Variants in NIPAL2 observed in about 807,000 individuals in gnomAD.
The protein encoded by NIPAL2 is NIPA-like protein 2.
A neutral mutation model predicts 48.9 loss-of-function variants in NIPAL2; 43 were observed. The ratio of observed to expected loss-of-function variants is 0.88; its 90% CI spans 0.69 to 1.13. The LOEUF (loss-of-function observed/expected upper bound fraction) is 1.13, where lower values mean the gene tolerates loss of function less well. NIPAL2 is among the 50% of genes most tolerant of loss of function. The pLI, the probability that NIPAL2 is intolerant of heterozygous loss-of-function variation, is 0.00. For synonymous variants in NIPAL2, 167 were observed against 174.6 expected (o/e 0.96, Z 0.34); for missense variants, 446 against 461.4 (o/e 0.97, Z 0.31).
chr8:98,216,383 T>C (rs1247183407), intron 5 of NIPAL2, among the ~76,000 whole-genome samples: 1 of 152,190 alleles, frequency 6.6e-6, no homozygotes, highest in African/African-American at 2.4e-5. Context: ...AAGAACAGAA[T>C]GTAGTCTGAG....
chr8:98,266,374 G>C (rs1814740571), intron 1 of NIPAL2, among the ~76,000 whole-genome samples: 1 of 151,980 alleles, frequency 6.6e-6, no homozygotes, highest in Non-Finnish European at 1.5e-5. Flanking sequence ...GGCTGAGATG[G>C]GCGGATTGCC....
chr8:98,247,143 C>T (rs1417891368), intron 3 of NIPAL2, among the ~76,000 whole-genome samples: 1 of 152,156 alleles, frequency 6.6e-6, no homozygotes, highest in Non-Finnish European at 1.5e-5. Context: ...TCATGAGTCT[C>T]TTGCAATGAA....
At chr8:98,245,427 T>C (rs1453359211) in intron 3 of NIPAL2, among the ~76,000 whole-genome samples, 1 of 152,210 alleles carries the variant, frequency 6.6e-6, no homozygotes, top group Admixed American at 6.5e-5. Flanking sequence ...ACCATTCATG[T>C]TGGCAGGAAG....
chr8:98,289,932 A>C (rs1816404435), intron 1 of NIPAL2, among the ~76,000 whole-genome samples: 1 of 151,970 alleles, frequency 6.6e-6, no homozygotes, highest in African/African-American at 2.4e-5. Context: ...GTAATATAAA[A>C]CTCAGCATGA....
chr8:98,206,794 G>GA lies in NIPAL2; in HGVS notation c.656-1549dup, dbSNP rs931637009. 1.2e-4 allele frequency among the ~76,000 whole-genome samples: 17 copies of GA among 145,770 alleles called. 1 individual carries two copies. The East Asian group carries it at 1.2e-3, about 10-fold the overall frequency. On this transcript the variant is annotated intron_variant, in intron 6 of 10. Coordinates refer to ENST00000430223, the MANE Select transcript of NIPAL2 (RefSeq NM_001321635.2). ...TCTGTCTCAAAAAAAAAAAAAAAAG[G>GA]AAAAAAAAATCATAATTGACAGAGG... is the stretch of plus-strand genomic sequence containing the variant.
In NIPAL2 at chr8:98,205,186, T is replaced by C. The variant is rs112454509; in HGVS notation, c.716A>G (p.Asp239Gly). 8 of 1,613,490 alleles carry C rather than the reference T, an allele frequency of 5.0e-6. No homozygotes were observed. The African/African-American group carries it at 5.3e-5, about 11-fold the overall frequency. Reference protein sequence around the residue: ...VSGMITFSVMDKMQLTYPIFY... With the variant: ...VSGMITFSVMGKMQLTYPIFY... Reference sequence around the variant, plus strand: ...AATGGGGTAAGTTAGTTGCATTTTATCCATCACAGAAAAAGTGATCATGCC... The same window carrying C: ...AATGGGGTAAGTTAGTTGCATTTTACCCATCACAGAAAAAGTGATCATGCC... Residue 239 changes from aspartate to glycine, a missense_variant, in exon 7 of 11, where the codon GAT becomes GGT. Transcript: ENST00000430223.
At chr8:98,200,250 C>G (rs1810739008) in intron 8 of NIPAL2, among the ~76,000 whole-genome samples, 1 of 152,130 alleles carries the variant, frequency 6.6e-6, no homozygotes, top group Non-Finnish European at 1.5e-5. Context: ...ATTTCCAGAA[C>G]TTTTTCATCT....
chr8:98,198,060 T>C (rs1180987636), intron 8 of NIPAL2, among the ~76,000 whole-genome samples: 2 of 152,218 alleles, frequency 1.3e-5, no homozygotes, highest in African/African-American at 4.8e-5. Context: ...CCTTACAAAA[T>C]GTATTTCTTA....
At position 98,252,638 on chromosome 8, in the gene NIPAL2, A is replaced by G; in HGVS notation, c.205-4T>C. 6.2e-7 allele frequency: 1 copy of G among 1,605,148 alleles called. No homozygotes were observed. The highest frequency in any genetic ancestry group is 8.5e-7 in the Non-Finnish European group (1 of 1,177,320). On this transcript the variant is annotated splice_region_variant and splice_polypyrimidine_tract_variant and intron_variant, in intron 2 of 10. Coordinates refer to ENST00000430223, the MANE Select transcript of NIPAL2 (RefSeq NM_001321635.2). ...CCAGCTGAAGGTGAGAATATTTCTG[A>G]AAGTAAATCAGAAGACAAATAAGAA... is the stretch of plus-strand genomic sequence containing the variant.
intron 3 of NIPAL2, among the ~76,000 whole-genome samples, chr8:98,236,460 AG>A (rs1440711680): frequency 1.3e-5 from 2 of 152,212 alleles, no homozygotes; most frequent in Non-Finnish European, 2.9e-5. Context: ...GCTTAATAAA[AG>A]TTTGCTAAAA....
intron 8 of NIPAL2, among the ~76,000 whole-genome samples, chr8:98,202,575 T>G (rs1310227290): frequency 6.6e-6 from 1 of 152,146 alleles, no homozygotes; most frequent in Non-Finnish European, 1.5e-5. Flanking sequence ...CCTCGCCCCA[T>G]CTCTTGCTAT....
intron 3 of NIPAL2, among the ~76,000 whole-genome samples, chr8:98,251,273 A>G (rs1813571878): frequency 6.6e-6 from 1 of 152,158 alleles, no homozygotes; most frequent in Non-Finnish European, 1.5e-5. Flanking sequence ...TCAAGACAGC[A>G]GGAGTCTGGA....
chr8:98,212,273 T>G, intron 6 of NIPAL2, 132 bp downstream of exon 6: 1 of 444,492 alleles, frequency 2.2e-6, no homozygotes, highest in Non-Finnish European at 4.0e-6. Context: ...AGACTCAGTT[T>G]CTTCCTATAG....
At chr8:98,206,614 C>T (rs578032864) in intron 6 of NIPAL2, among the ~76,000 whole-genome samples, 1 of 151,958 alleles carries the variant, frequency 6.6e-6, no homozygotes, top group Admixed American at 6.6e-5. Context: ...CAGTGAAACC[C>T]TGTCTCTACT....
chr8:98,209,932 C>T (rs1251241393), intron 6 of NIPAL2, among the ~76,000 whole-genome samples: 1 of 151,852 alleles, frequency 6.6e-6, no homozygotes, highest in African/African-American at 2.4e-5. Context: ...TTTAACAACT[C>T]CTTTATTTCC....
At chr8:98,214,453 C>T (rs1025960021) in intron 5 of NIPAL2, among the ~76,000 whole-genome samples, 5 of 152,186 alleles carry the variant, frequency 3.3e-5, no homozygotes, top group South Asian at 2.1e-4. Flanking sequence ...CATGAGCCAC[C>T]GCACCCGGCC....
At chr8:98,284,851 C>A (rs1816067252) in intron 1 of NIPAL2, among the ~76,000 whole-genome samples, 2 of 152,110 alleles carry the variant, frequency 1.3e-5, no homozygotes, top group South Asian at 4.2e-4. Flanking sequence ...GTCCTACCTA[C>A]TGAAGAGGTG....
intron 8 of NIPAL2, among the ~76,000 whole-genome samples, chr8:98,199,989 C>T (rs1040207359): frequency 2.2e-4 from 33 of 151,698 alleles, no homozygotes; most frequent in African/African-American, 7.3e-4. Context: ...GGTCCTGCTC[C>T]GTCACCCAGG....
chr8:98,262,829 T>C lies in NIPAL2; in HGVS notation c.136-8742A>G, dbSNP rs1432761508. On this transcript the variant is annotated intron_variant, in intron 1 of 10. Coordinates refer to ENST00000430223, the MANE Select transcript of NIPAL2 (RefSeq NM_001321635.2). ...CCCCAAATCAACAGAATATACATTT[T>C]TTTCAGCACCGCACCACACCTGTTC... Among the ~76,000 whole-genome samples the C allele has an allele frequency of 2.7e-3, 405 of 152,210 alleles. 1 individual carries two copies. The highest frequency in any genetic ancestry group is 9.2e-3 in the African/African-American group (380 of 41,512).
Sources: gnomAD v4.1 joint callset for allele counts (sites outside exome capture counted in the v4.1 genomes callset) on GRCh38, gnomAD v4.1.1 for gene constraint, MANE v1.5 for transcripts, NCBI Gene and HGNC (gene_info 2026-07-23, HGNC 2026-07-21) for gene names.